DMD: variants seen among roughly 807,000 people sequenced by gnomAD.
DMD encodes the protein dystrophin, also known as mutant dystrophin.
In DMD, 63 loss-of-function variants were observed where a neutral mutation model predicts 330.1. The observed-to-expected ratio is 0.19, with a 90% CI of 0.16 to 0.24. The LOEUF is 0.24. Ranked by LOEUF, DMD falls within the 10% of genes least tolerant of loss-of-function variation. DMD has a pLI of 1.00. For missense variants in DMD, 3,344 were observed against 2,684.1 expected (o/e 1.25, Z -5.43); for synonymous variants, 1,223 against 959.8 (o/e 1.27, Z -5.07).
At chrX:32,363,021 A>G (rs12387861) in intron 36 of DMD, 63 bp from the exon 37 acceptor site, 14 of 1,065,176 alleles carry the variant, frequency 1.3e-5, no homozygotes, top group South Asian at 3.9e-5. Context: ...AAGATAGAAA[A>G]AGAGAGCCAA....
rs1241611450 is a variant in DMD at position 31,932,221 on chromosome X, T to C, written c.6621A>G (p.Glu2207=). ...ATTCTGACAAGATATTCTTTTGTTC[T>C]TCTAGCCTGGAGAAAGAAGAATAAA... ...KQLSDRKKRL[E]EQKNILSEFQ... Residue 2207 remains glutamate (E), a synonymous_variant, in exon 46 of 79, where the codon GAA becomes GAG. Transcript: ENST00000357033. 1 of 1,181,974 alleles carries C rather than the reference T, an allele frequency of 8.5e-7. No homozygotes were observed. The highest frequency in any genetic ancestry group is 1.1e-6 in the Non-Finnish European group (1 of 870,541).
chrX:31,253,678 TGACTTAACTAG>T (rs927911980), intron 63 of DMD, among the ~76,000 whole-genome samples: 4 of 111,793 alleles, frequency 3.6e-5, no homozygotes, highest in Non-Finnish European at 5.6e-5. Flanking sequence ...TTAGCCCCAT[TGACTTAACTAG>T]GACTTAACTA....
intron 60 of DMD, among the ~76,000 whole-genome samples, chrX:31,420,282 T>C (rs1364588102): frequency 8.9e-6 from 1 of 112,459 alleles, no homozygotes; most frequent in Non-Finnish European, 1.9e-5. Flanking sequence ...TTCTATAGAA[T>C]AGAATTTACA....
At chrX:32,758,824 G>A (rs756845306) in intron 7 of DMD, among the ~76,000 whole-genome samples, 5 of 111,454 alleles carry the variant, frequency 4.5e-5, no homozygotes, top group East Asian at 2.8e-4. Flanking sequence ...CATGTGCTCC[G>A]CAGCATCCCC....
chrX:32,660,341 G>C (rs1266939068), intron 9 of DMD, among the ~76,000 whole-genome samples: 3 of 111,079 alleles, frequency 2.7e-5, no homozygotes, highest in Non-Finnish European at 5.7e-5. Flanking sequence ...GTACAGATAT[G>C]TGTATATTAC....
intron 50 of DMD, among the ~76,000 whole-genome samples, chrX:31,786,905 A>G (rs1459470081): frequency 8.1e-5 from 9 of 111,568 alleles, no homozygotes; most frequent in Admixed American, 6.7e-4. Context: ...CTTCCTTATA[A>G]ATAGCAACAA....
intron 44 of DMD, among the ~76,000 whole-genome samples, chrX:32,169,470 G>C (rs2073809933): frequency 9.0e-6 from 1 of 111,538 alleles, no homozygotes. Context: ...GCAATAAAAG[G>C]GGGGTATTTT....
chrX:33,182,348 T>C (rs1212644096), intron 1 of DMD, among the ~76,000 whole-genome samples: 1 of 111,875 alleles, frequency 8.9e-6, no homozygotes, highest in African/African-American at 3.3e-5. Context: ...CACTGTAGCC[T>C]TGACCTCCTA....
At chrX:32,682,444 G>C (rs1442661493) in intron 9 of DMD, among the ~76,000 whole-genome samples, 5 of 111,328 alleles carry the variant, frequency 4.5e-5, no homozygotes, top group Non-Finnish European at 9.4e-5. Context: ...CTCTGACAGA[G>C]GGCTCACTAT....
In DMD at chrX:32,985,333, C is replaced by A. The variant is rs763248656; in HGVS notation, c.93+34806G>T. Among the ~76,000 whole-genome samples, 5 of 112,019 alleles carry A rather than the reference C, an allele frequency of 4.5e-5. No homozygotes were observed. The South Asian group carries it at 1.1e-3, about 25-fold the overall frequency. On this transcript the variant is annotated intron_variant, in intron 2 of 78. Coordinates refer to ENST00000357033, the MANE Select transcript of DMD (RefSeq NM_004006.3). ...TTTCCCCAATGCAAGATAATATTTTCTAAGATTTTAGACATAAGATGTATT... is the reference window on the plus strand; with the variant it reads ...TTTCCCCAATGCAAGATAATATTTTATAAGATTTTAGACATAAGATGTATT...
intron 55 of DMD, among the ~76,000 whole-genome samples, chrX:31,614,481 A>T (rs1028263050): frequency 3.6e-5 from 4 of 112,340 alleles, no homozygotes; most frequent in African/African-American, 1.3e-4. Context: ...GCTAATATTG[A>T]ATAGTCAATA....
At chrX:32,220,709 C>G (rs1483406285) in intron 43 of DMD, among the ~76,000 whole-genome samples, 3 of 110,998 alleles carry the variant, frequency 2.7e-5, no homozygotes, top group Non-Finnish European at 3.8e-5. Context: ...TAATTAGTCA[C>G]TGTGCTCCCT....
intron 9 of DMD, among the ~76,000 whole-genome samples, chrX:32,681,100 T>C (rs1330880776): frequency 8.9e-6 from 1 of 112,281 alleles, no homozygotes; most frequent in East Asian, 2.8e-4. Context: ...AAATATCTGT[T>C]TCGTCCATCT....
intron 19 of DMD, among the ~76,000 whole-genome samples, chrX:32,494,835 T>A (rs2043330444): frequency 9.0e-6 from 1 of 111,021 alleles, no homozygotes; most frequent in African/African-American, 3.3e-5. Context: ...TAATATGGGA[T>A]ATAGAAGGTG....
At chrX:31,712,635 T>C (rs5972435) in intron 52 of DMD, among the ~76,000 whole-genome samples, 19,828 of 111,301 alleles carry the variant, frequency 0.18, 1,453 homozygotes, top group East Asian at 0.4. Context: ...TTCATGTGTA[T>C]CCTGATATGA....
chrX:33,131,584 C>T (rs1478752926), intron 1 of DMD, among the ~76,000 whole-genome samples: 1 of 111,801 alleles, frequency 8.9e-6, no homozygotes, highest in South Asian at 3.7e-4. Flanking sequence ...CTAGACCATG[C>T]TCCTTCAAAT....
intron 2 of DMD, among the ~76,000 whole-genome samples, chrX:32,993,176 A>T (rs1370449997): frequency 9.0e-6 from 1 of 111,642 alleles, no homozygotes; most frequent in African/African-American, 3.3e-5. Context: ...AAACCAAAAA[A>T]CCTAACTTTA....
intron 44 of DMD, among the ~76,000 whole-genome samples, chrX:32,079,703 G>T (rs896863270): frequency 8.9e-6 from 1 of 111,779 alleles, no homozygotes; most frequent in Non-Finnish European, 1.9e-5. Context: ...AACCAAAGTG[G>T]TCATCCTGTC....
chrX:32,837,995 T>TA (rs920575843), intron 4 of DMD, among the ~76,000 whole-genome samples: 3 of 112,022 alleles, frequency 2.7e-5, no homozygotes, highest in African/African-American at 9.8e-5. Context: ...TACTATGCTT[T>TA]AGTGTTGAGA....
Sources: gnomAD v4.1 joint callset for allele counts (sites outside exome capture counted in the v4.1 genomes callset) on GRCh38, gnomAD v4.1.1 for gene constraint, MANE v1.5 for transcripts, NCBI Gene and HGNC (gene_info 2026-07-23, HGNC 2026-07-21) for gene names.